The following PRKCA variants were observed in gnomAD, a reference collection of about 807,000 sequenced individuals.
PRKCA encodes the protein protein kinase C alpha type.
In PRKCA, 27 loss-of-function variants were observed where a neutral mutation model predicts 87.0. The ratio of observed to expected loss-of-function variants is 0.31; its 90% confidence interval spans 0.23 to 0.43. The LOEUF (loss-of-function observed/expected upper bound fraction) is 0.43. PRKCA is among the 20% of genes least tolerant of loss of function. The pLI is 1.00. For synonymous variants in PRKCA, 329 were observed against 311.1 expected, an observed-to-expected ratio of 1.06 and a Z score of -0.61; for missense variants, 518 against 852.3, an observed-to-expected ratio of 0.61 and a Z score of 4.88.
intron 1 of PRKCA, among the ~76,000 whole-genome samples, chr17:66,305,727 A>G (rs1233780984): frequency 2.0e-5 from 3 of 152,234 alleles, no homozygotes; most frequent in Non-Finnish European, 4.4e-5. Context: ...CAAAATAAGC[A>G]ACTTCCTTTT....
rs71160581 is a variant in PRKCA, at chr17:66,592,343, CA to C, written c.289-48994del. Among the ~76,000 whole-genome samples the C allele has an allele frequency of 1.2e-3, 100 of 82,350 alleles. 2 individuals are homozygous for C. The highest frequency in any genetic ancestry group is 6.3e-3 in the East Asian group (18 of 2,854). 54.0% of individuals were successfully genotyped at this position (82,350 alleles called of 152,430 possible). A position where few individuals can be genotyped will look rare whatever the true frequency, so the allele number is the denominator to read the frequency against. On this transcript the variant is annotated intron_variant, in intron 3 of 16. Transcript: ENST00000413366. The stretch of plus-strand genomic sequence containing the variant: ...GCACTCCAGTCTGGGTGATCCGTCT[CA>C]AAAAAAAAAAAAAAAAAGTTACCAT...
chr17:66,422,431 G>A (rs149225005), intron 2 of PRKCA, among the ~76,000 whole-genome samples: 105 of 152,310 alleles, frequency 6.9e-4, no homozygotes, highest in African/African-American at 2.5e-3. Context: ...AGAGCATAGC[G>A]TAAGCCCTCA....
rs59365493 is a variant in PRKCA, at chr17:66,501,373, T to C, written c.288+5090T>C. Reference sequence around the variant, plus strand: ...GGTCCTCTGCCCCTTCTGGATGAGATGGCATTCTGTACCAGCAAATCTAGA... The same window carrying C: ...GGTCCTCTGCCCCTTCTGGATGAGACGGCATTCTGTACCAGCAAATCTAGA... On this transcript the variant is annotated intron_variant, in intron 3 of 16. Transcript: ENST00000413366. Among the ~76,000 whole-genome samples, 1,282 of 152,358 alleles carry C rather than the reference T, an allele frequency of 8.4e-3. 21 individuals carry two copies. Among genetic ancestry groups the C allele is most frequent in the African/African-American group, 0.029 (1,197 of 41,588 alleles).
intron 3 of PRKCA, among the ~76,000 whole-genome samples, chr17:66,614,365 T>C (rs1970461524): frequency 6.6e-6 from 1 of 152,232 alleles, no homozygotes; most frequent in African/African-American, 2.4e-5. Flanking sequence ...GAAATTGATA[T>C]TTTTGAGGCA....
chr17:66,491,740 A>T (rs549416754), intron 2 of PRKCA, among the ~76,000 whole-genome samples: 78 of 151,986 alleles, frequency 5.1e-4, no homozygotes, highest in African/African-American at 1.8e-3. Flanking sequence ...TCTTTCAACA[A>T]TGCTAGCAAG....
intron 16 of PRKCA, among the ~76,000 whole-genome samples, chr17:66,789,296 T>G (rs955066488): frequency 2.0e-5 from 3 of 152,332 alleles, no homozygotes; most frequent in African/African-American, 7.2e-5. Flanking sequence ...CTTTGTGGAC[T>G]CGCACCCAGC....
chr17:66,744,841 G>C (rs142400775), intron 13 of PRKCA, among the ~76,000 whole-genome samples: 183 of 152,302 alleles, frequency 1.2e-3, no homozygotes, highest in African/African-American at 4.3e-3. Context: ...AGAACCTGTT[G>C]CCATCCATGC....
chr17:66,319,635 A>G (rs1905529516), intron 2 of PRKCA, among the ~76,000 whole-genome samples: 1 of 152,204 alleles, frequency 6.6e-6, no homozygotes. Context: ...TTTGTCACTA[A>G]GAAGTAACTG....
chr17:66,471,746 C>T (rs539145388), intron 2 of PRKCA, among the ~76,000 whole-genome samples: 147 of 151,258 alleles, frequency 9.7e-4, no homozygotes, highest in South Asian at 6.9e-3. Flanking sequence ...TTATCAAATC[C>T]GCAGAGGGTT....
rs550119707 is a variant in PRKCA at position 66,685,100 on chromosome 17, G to A, written c.530-2011G>A. Among the ~76,000 whole-genome samples, 11 of 152,284 alleles carry A rather than the reference G, an allele frequency of 7.2e-5. No homozygotes were observed. The South Asian group carries it at 2.3e-3, about 32-fold the overall frequency. On this transcript the variant is annotated intron_variant, in intron 5 of 16. Transcript: ENST00000413366. ...CCTCCAACCCTATAGATTCCAGCATGATAAGAGTGGAAAGGAGTCCGGAAC... is the reference window on the plus strand; with the variant it reads ...CCTCCAACCCTATAGATTCCAGCATAATAAGAGTGGAAAGGAGTCCGGAAC...
chr17:66,551,394 AG>A (rs1968324878), intron 3 of PRKCA, among the ~76,000 whole-genome samples: 1 of 152,340 alleles, frequency 6.6e-6, no homozygotes, highest in East Asian at 1.9e-4. Flanking sequence ...TCAAGACTTG[AG>A]TAGGGGAGGA....
intron 2 of PRKCA, among the ~76,000 whole-genome samples, chr17:66,391,097 C>T (rs900641135): frequency 2.0e-5 from 3 of 152,244 alleles, no homozygotes; most frequent in East Asian, 1.9e-4. Flanking sequence ...TAAAGACCTC[C>T]GGGTATTTTT....
intron 2 of PRKCA, among the ~76,000 whole-genome samples, chr17:66,396,631 C>CTTTTTTT (rs10626483): frequency 1.5e-5 from 2 of 137,248 alleles, no homozygotes; most frequent in South Asian, 2.2e-4. Flanking sequence ...CATTCTCTCT[C>CTTTTTTT]TTTTTTTTTT....
intron 14 of PRKCA, among the ~76,000 whole-genome samples, chr17:66,785,312 G>A (rs556773819): frequency 6.6e-6 from 1 of 152,186 alleles, no homozygotes; most frequent in Non-Finnish European, 1.5e-5. Flanking sequence ...GAAAATGTTT[G>A]ATAAGAAGGG....
intron 3 of PRKCA, among the ~76,000 whole-genome samples, chr17:66,548,872 C>T (rs992063222): frequency 6.6e-6 from 1 of 151,752 alleles, no homozygotes; most frequent in African/African-American, 2.4e-5. Context: ...GGCGCAATCA[C>T]AGCTCAGTCA....
chr17:66,705,208 A>T (rs555517196), intron 8 of PRKCA, among the ~76,000 whole-genome samples: 1 of 152,356 alleles, frequency 6.6e-6, no homozygotes, highest in South Asian at 2.1e-4. Flanking sequence ...GTTGAAAGAG[A>T]TATTTTAAGG....
At chr17:66,412,068 A>T (rs1313701650) in intron 2 of PRKCA, among the ~76,000 whole-genome samples, 2 of 145,158 alleles carry the variant, frequency 1.4e-5, no homozygotes, top group African/African-American at 5.1e-5. Flanking sequence ...ACTTTTACTT[A>T]GTTTAATTAA....
At chr17:66,756,309 G>T (rs548276413) in intron 13 of PRKCA, among the ~76,000 whole-genome samples, 1 of 152,044 alleles carries the variant, frequency 6.6e-6, no homozygotes, top group Non-Finnish European at 1.5e-5. Flanking sequence ...GGACATCCCC[G>T]ATTCCAATCC....
At chr17:66,741,029 C>T (rs1222785749) in intron 11 of PRKCA, among the ~76,000 whole-genome samples, 1 of 152,182 alleles carries the variant, frequency 6.6e-6, no homozygotes, top group African/African-American at 2.4e-5. Flanking sequence ...CTTGTGGCTT[C>T]TTCGACTTCA....
Sources: gnomAD v4.1 joint callset for allele counts (sites outside exome capture counted in the v4.1 genomes callset) on GRCh38, gnomAD v4.1.1 for gene constraint, MANE v1.5 for transcripts, NCBI Gene and HGNC (gene_info 2026-07-23, HGNC 2026-07-21) for gene names.